Variants in MTM1 observed in about 807,000 individuals in gnomAD.
MTM1 encodes myotubularin 1.
A neutral mutation model predicts 52.1 loss-of-function variants in MTM1; 9 were observed. That is an observed-to-expected ratio of 0.17 (90% CI 0.10 to 0.30). MTM1 has a LOEUF of 0.30. Among genes scored for constraint, MTM1 ranks in the 10% least tolerant of loss-of-function variants. The pLI is 1.00. For synonymous variants in MTM1, 136 were observed against 163.8 expected (o/e 0.83, Z 1.29); for missense variants, 277 against 470.7 (o/e 0.59, Z 3.81).
intron 1 of MTM1, among the ~76,000 whole-genome samples, chrX:150,572,112 G>T (rs2038388135): frequency 8.9e-6 from 1 of 111,917 alleles, no homozygotes; most frequent in Admixed American, 9.5e-5. Context: ...GTTTGTGTGA[G>T]GTGGTAGAAA....
chrX:150,590,811 T>G (rs1292130708), intron 1 of MTM1, among the ~76,000 whole-genome samples: 1 of 112,084 alleles, frequency 8.9e-6, no homozygotes, highest in Non-Finnish European at 1.9e-5. Flanking sequence ...GAATTTAACT[T>G]TTTGTTTTAA....
At chrX:150,563,095 A>G in the MTM1 span, among the ~76,000 whole-genome samples, 2 of 110,093 alleles carry the variant, frequency 1.8e-5, no homozygotes, top group South Asian at 3.9e-4. Context: ...GAAATGTTCT[A>G]TTTCTTGATT....
At chrX:150,627,805 G>T (rs142455107) in intron 6 of MTM1, among the ~76,000 whole-genome samples, 176 of 111,824 alleles carry the variant, frequency 1.6e-3, no homozygotes, top group African/African-American at 5.3e-3. Flanking sequence ...ACCAAGAGAG[G>T]ATTTGTGTTT....
At chrX:150,588,515 A>G (rs2038828992) in intron 1 of MTM1, among the ~76,000 whole-genome samples, 1 of 111,836 alleles carries the variant, frequency 8.9e-6, no homozygotes, top group Non-Finnish European at 1.9e-5. Flanking sequence ...GTTTTTAGTT[A>G]ATGTGTGCTT....
At chrX:150,604,190 G>T (rs1284353965) in intron 4 of MTM1, among the ~76,000 whole-genome samples, 1 of 111,467 alleles carries the variant, frequency 9.0e-6, no homozygotes, top group Non-Finnish European at 1.9e-5. Flanking sequence ...CAGCTTCCAG[G>T]CCTCAGCAAG....
chrX:150,593,490 G>A (rs1381379172), intron 2 of MTM1, among the ~76,000 whole-genome samples: 1 of 112,006 alleles, frequency 8.9e-6, no homozygotes, highest in East Asian at 2.8e-4. Context: ...TGCATTCAAA[G>A]GAAGGGATTA....
intron 14 of MTM1, among the ~76,000 whole-genome samples, chrX:150,664,560 A>C (rs1462379428): frequency 8.9e-6 from 1 of 112,758 alleles, no homozygotes; most frequent in Admixed American, 9.4e-5. Context: ...GCAATTTGGT[A>C]ATGGTTGAAA....
chrX:150,584,600 A>G (rs920082649), intron 1 of MTM1, among the ~76,000 whole-genome samples: 4 of 111,268 alleles, frequency 3.6e-5, no homozygotes, highest in Non-Finnish European at 7.5e-5. Flanking sequence ...AATGGAAAAC[A>G]TGGTCCTTGG....
At chrX:150,615,620 A>G (rs1284522793) in intron 5 of MTM1, among the ~76,000 whole-genome samples, 1 of 111,785 alleles carries the variant, frequency 8.9e-6, no homozygotes, top group Non-Finnish European at 1.9e-5. Context: ...TGTGTTGCCT[A>G]GGGAGCCAGC....
chrX:150,583,905 T>TTTA (rs1557412119), intron 1 of MTM1, among the ~76,000 whole-genome samples: 1 of 55,924 alleles, frequency 1.8e-5, no homozygotes, highest in African/African-American at 6.4e-5. Context: ...TTGATATATA[T>TTTA]ATATATAATA....
chrX:150,659,497 A>T (rs2040183344), intron 11 of MTM1, among the ~76,000 whole-genome samples, 167 bp from the exon 12 acceptor site: 1 of 112,043 alleles, frequency 8.9e-6, no homozygotes, highest in East Asian at 2.8e-4. Flanking sequence ...CATTATTTTG[A>T]AACCTTACAT....
intron 5 of MTM1, 111 bp downstream of exon 5, chrX:150,614,810 A>C (rs925524283): frequency 1.4e-5 from 7 of 483,345 alleles, no homozygotes; most frequent in Non-Finnish European, 2.5e-5. Flanking sequence ...ATGTTCATCT[A>C]AGGCCCTGGA....
chrX:150,575,398 C>A (rs2038453019), intron 1 of MTM1, among the ~76,000 whole-genome samples: 2 of 112,635 alleles, frequency 1.8e-5, no homozygotes, highest in South Asian at 7.4e-4. Context: ...AAAGTGGTCC[C>A]AGCGTGCAGC....
chrX:150,574,879 C>A (rs1557411584), intron 1 of MTM1, among the ~76,000 whole-genome samples: 2 of 111,899 alleles, frequency 1.8e-5, no homozygotes, highest in Non-Finnish European at 3.8e-5. Context: ...TACATCAGGT[C>A]TCATATGAAT....
At position 150,671,403 on chromosome X, in the gene MTM1, A is replaced by ACTGGTTC. The variant is rs1557415128; in HGVS notation, c.1645-25_1645-24insCTGGTTC. The ACTGGTTC allele has an allele frequency of 2.5e-6, 3 of 1,208,453 alleles. No individual in the cohort carries two copies. The African/African-American group carries it at 5.3e-5, about 21-fold the overall frequency. On this transcript the variant is annotated intron_variant, in intron 14 of 14. Transcript: ENST00000370396. ...TCATGACGTGCGTGGCATAAAGTGTAACTCAAGTCTCTGGTTCTCTCCAGC... is the reference window on the plus strand; with the variant it reads ...TCATGACGTGCGTGGCATAAAGTGTACTGGTTCACTCAAGTCTCTGGTTCTCTCCAGC...
At chrX:150,648,586 A>T (rs1232458158) in intron 9 of MTM1, among the ~76,000 whole-genome samples, 1 of 112,799 alleles carries the variant, frequency 8.9e-6, no homozygotes, top group Non-Finnish European at 1.9e-5. Flanking sequence ...TTAAAGGGCC[A>T]AAGGCCACGT....
intron 2 of MTM1, among the ~76,000 whole-genome samples, chrX:150,594,928 T>C (rs949089541): frequency 1.8e-5 from 2 of 111,707 alleles, no homozygotes; most frequent in Admixed American, 9.5e-5. Flanking sequence ...TTGCTTCTCA[T>C]TGAGGAAGGC....
intron 8 of MTM1, among the ~76,000 whole-genome samples, chrX:150,643,757 T>A (rs1417300831): frequency 3.6e-5 from 4 of 112,111 alleles, no homozygotes; most frequent in Non-Finnish European, 7.5e-5. Context: ...TTTGCTATTG[T>A]AAGTAATGCT....
At chrX:150,638,750 A>G (rs2039796944) in intron 6 of MTM1, among the ~76,000 whole-genome samples, 193 bp from the exon 7 acceptor site, 2 of 111,317 alleles carry the variant, frequency 1.8e-5, no homozygotes, top group African/African-American at 6.5e-5. Flanking sequence ...ATTACTCAAG[A>G]TAGAAGTTAG....
Sources: gnomAD v4.1 joint callset for allele counts (sites outside exome capture counted in the v4.1 genomes callset) on GRCh38, gnomAD v4.1.1 for gene constraint, MANE v1.5 for transcripts, NCBI Gene and HGNC (gene_info 2026-07-23, HGNC 2026-07-21) for gene names.